The following LAPTM4B variants were observed in gnomAD, a reference collection of about 807,000 sequenced individuals.
The protein encoded by LAPTM4B is lysosomal-associated transmembrane protein 4B.
A neutral mutation model predicts 28.5 loss-of-function variants in LAPTM4B; 26 were observed. The ratio of observed to expected loss-of-function variants is 0.91; its 90% CI spans 0.67 to 1.27. The LOEUF is 1.27. Ranked by LOEUF, LAPTM4B falls within the 50% of genes most tolerant of loss-of-function variation. LAPTM4B has a pLI of 0.00. For missense variants in LAPTM4B, 288 were observed against 285.8 expected (o/e 1.01, Z -0.06); for synonymous variants, 109 against 106.4 (o/e 1.02, Z -0.15).
intron 2 of LAPTM4B, 60 bp from the exon 3 acceptor site, chr8:97,815,268 A>G (rs2129790492): frequency 8.1e-7 from 1 of 1,227,402 alleles, no homozygotes; most frequent in Non-Finnish European, 1.2e-6. Context: ...GACTGAAAGT[A>G]TTCAGTGGAT....
rs770398011 is a variant in LAPTM4B, at chr8:97,851,488, CG to C, written c.*16del. The stretch of plus-strand genomic sequence containing the variant: ...GTGTCTGCCTAAGCCTTCAAGTGGG[CG>C]GAGCTGAGGGCAGCAGCTTGACTTT... On this transcript the variant is annotated 3_prime_UTR_variant, in exon 7 of 7. Transcript: ENST00000521545. The C allele has an allele frequency of 7.5e-6, 12 of 1,604,742 alleles. No homozygotes were observed. In the South Asian group the frequency reaches 1.1e-4, roughly 15 times the overall value.
At chr8:97,790,177 G>A (rs1476181479) in intron 1 of LAPTM4B, among the ~76,000 whole-genome samples, 1 of 51,942 alleles carries the variant, frequency 1.9e-5, no homozygotes, top group African/African-American at 7.7e-5. Context: ...TAAAATGGGA[G>A]TGCAGCTATT....
chr8:97,784,404 G>A lies in LAPTM4B; in HGVS notation c.99+8296G>A, dbSNP rs72671589. On this transcript the variant is annotated intron_variant, in intron 1 of 6. Transcript: ENST00000521545. ...CCATTGAAGAATTATGAACAGGAGC[G>A]ATATGATGAAAGCAGTTTTTTTTGG... Among the ~76,000 whole-genome samples, 231 of 152,236 alleles carry A rather than the reference G, an allele frequency of 1.5e-3. 1 individual carries two copies. The highest frequency in any genetic ancestry group is 4.8e-3 in the South Asian group (23 of 4,816).
At chr8:97,783,918 G>C (rs1466002932) in intron 1 of LAPTM4B, among the ~76,000 whole-genome samples, 4 of 152,130 alleles carry the variant, frequency 2.6e-5, no homozygotes, top group Admixed American at 1.3e-4. Flanking sequence ...TCTTGCTGTT[G>C]ATCTATTATC....
chr8:97,840,762 G>A lies in LAPTM4B; in HGVS notation c.604-10635G>A, dbSNP rs58747505. On this transcript the variant is annotated intron_variant, in intron 6 of 6. Transcript: ENST00000521545. ...ACACTTAGAAGGTTGCACAGCGGCC[G>A]GGCAGAGGTGCTCCTCACTTCCCAG... Among the ~76,000 whole-genome samples the A allele has an allele frequency of 1.5e-4, 23 of 152,212 alleles. No homozygotes were observed. The East Asian group carries it at 2.3e-3, about 15-fold the overall frequency.
intron 3 of LAPTM4B, 42 bp downstream of exon 3, chr8:97,815,443 CTT>C: frequency 7.3e-7 from 1 of 1,366,368 alleles, no homozygotes; most frequent in Non-Finnish European, 1.0e-6. Context: ...TCCTTGGTCT[CTT>C]ACATGTGTAA....
At chr8:97,838,594 C>G (rs1341024995) in intron 6 of LAPTM4B, among the ~76,000 whole-genome samples, 3 of 152,314 alleles carry the variant, frequency 2.0e-5, no homozygotes, top group Non-Finnish European at 4.4e-5. Context: ...GGACTACAAC[C>G]TGATCAGCCT....
At chr8:97,787,374 C>T (rs1232767362) in intron 1 of LAPTM4B, among the ~76,000 whole-genome samples, 7 of 151,390 alleles carry the variant, frequency 4.6e-5, no homozygotes, top group African/African-American at 1.7e-4. Context: ...CAAGCTCCGC[C>T]TCCCAGGTTC....
intron 1 of LAPTM4B, among the ~76,000 whole-genome samples, chr8:97,792,499 C>T (rs749097539): frequency 1.3e-4 from 20 of 152,222 alleles, no homozygotes; most frequent in Non-Finnish European, 2.5e-4. Flanking sequence ...AAATGATCCA[C>T]CTCCCTTGGC....
chr8:97,820,304 C>CTTT (rs71570268), intron 5 of LAPTM4B, among the ~76,000 whole-genome samples: 1,971 of 128,294 alleles, frequency 0.015, 76 homozygotes, highest in African/African-American at 0.046. Flanking sequence ...TTCTTTCTTT[C>CTTT]TTTTTTTTTT....
At chr8:97,786,414 A>AAAAAG (rs2129730127) in intron 1 of LAPTM4B, among the ~76,000 whole-genome samples, 1 of 151,690 alleles carries the variant, frequency 6.6e-6, no homozygotes, top group African/African-American at 2.4e-5. Context: ...AACTTAAAAA[A>AAAAAG]AAAACAAGGC....
intron 6 of LAPTM4B, among the ~76,000 whole-genome samples, chr8:97,839,298 A>G (rs1817310375): frequency 1.3e-5 from 2 of 151,978 alleles, no homozygotes; most frequent in African/African-American, 4.8e-5. Context: ...AGTTCAAGCG[A>G]TTCTCCTGCC....
At chr8:97,832,351 A>G (rs779387057) in intron 6 of LAPTM4B, among the ~76,000 whole-genome samples, 1 of 152,164 alleles carries the variant, frequency 6.6e-6, no homozygotes, top group African/African-American at 2.4e-5. Context: ...TTTGGGGGCC[A>G]TGGTCGAATG....
chr8:97,806,394 G>A (rs1816755712), intron 2 of LAPTM4B, among the ~76,000 whole-genome samples: 1 of 152,140 alleles, frequency 6.6e-6, no homozygotes, highest in Admixed American at 6.5e-5. Context: ...TTGCTGTTTT[G>A]GGCAGCGAAG....
chr8:97,845,043 C>G (rs1817406639), intron 6 of LAPTM4B, among the ~76,000 whole-genome samples: 1 of 152,198 alleles, frequency 6.6e-6, no homozygotes, highest in African/African-American at 2.4e-5. Flanking sequence ...TCAACTCTTT[C>G]ACTCATTTCT....
At chr8:97,782,753 C>T (rs1472050118) in intron 1 of LAPTM4B, among the ~76,000 whole-genome samples, 5 of 139,570 alleles carry the variant, frequency 3.6e-5, no homozygotes, top group Non-Finnish European at 6.2e-5. Flanking sequence ...TTTTCTGAGA[C>T]GGAGTCTCGC....
chr8:97,782,066 C>T lies in LAPTM4B; in HGVS notation c.99+5958C>T, dbSNP rs545780716. 1.3e-4 allele frequency among the ~76,000 whole-genome samples: 19 copies of T among 151,030 alleles called. No homozygotes were observed. The East Asian group carries it at 2.0e-3, about 16-fold the overall frequency. On this transcript the variant is annotated intron_variant, in intron 1 of 6. Coordinates refer to ENST00000521545, the MANE Select transcript of LAPTM4B (RefSeq NM_018407.6). The stretch of plus-strand genomic sequence containing the variant: ...TGCGATCTCGGCTCACCGCAACCTC[C>T]GACTCCCAGGTTCAAGCAATTCTCC...
intron 6 of LAPTM4B, among the ~76,000 whole-genome samples, chr8:97,850,767 A>G (rs1305337569): frequency 6.9e-6 from 1 of 145,520 alleles, no homozygotes; most frequent in Admixed American, 7.0e-5. Context: ...TTATACTCAC[A>G]ATGACTATTA....
intron 5 of LAPTM4B, among the ~76,000 whole-genome samples, chr8:97,822,842 T>A (rs996797980): frequency 7.3e-5 from 11 of 151,416 alleles, no homozygotes; most frequent in Non-Finnish European, 1.5e-4. Flanking sequence ...TAGTTATTTT[T>A]TTTATTTATT....
Sources: allele counts gnomAD v4.1 joint callset (sites outside exome capture counted in the v4.1 genomes callset), GRCh38; gene constraint gnomAD v4.1.1; transcripts MANE v1.5; gene names NCBI Gene and HGNC (gene_info 2026-07-23, HGNC 2026-07-21).